Variants in DRC8 observed in about 807,000 individuals in gnomAD.
DRC8 encodes the protein dynein regulatory complex protein 8.
chr1:245,060,162 G>A, the DRC8 span, among the ~76,000 whole-genome samples: 3 of 152,234 alleles, frequency 2.0e-5, no homozygotes, highest in Non-Finnish European at 4.4e-5. Flanking sequence ...AGACAGGTGA[G>A]GAGGTGGAAT....
chr1:245,079,767 A>C, the DRC8 span, among the ~76,000 whole-genome samples: 1 of 152,204 alleles, frequency 6.6e-6, no homozygotes, highest in Non-Finnish European at 1.5e-5. Flanking sequence ...TTTCTGGAGT[A>C]ATCAGAATAG....
chr1:244,970,959 G>A, the DRC8 span: 1 of 168,944 alleles, frequency 5.9e-6, no homozygotes. Flanking sequence ...TCCAGGCTGT[G>A]GGCCCCGGGG....
chr1:245,085,075 G>C, the DRC8 span, among the ~76,000 whole-genome samples: 1 of 152,176 alleles, frequency 6.6e-6, no homozygotes, highest in Non-Finnish European at 1.5e-5. Context: ...ACTGTTGTGT[G>C]CCTACTATAT....
At chr1:244,990,569 A>G in the DRC8 span, among the ~76,000 whole-genome samples, 8,119 of 152,196 alleles carry the variant, frequency 0.053, 308 homozygotes, top group Non-Finnish European at 0.079. Flanking sequence ...TTGTTGCTCA[A>G]ATTGTTTCAG....
the DRC8 span, among the ~76,000 whole-genome samples, chr1:245,095,501 G>T: frequency 6.6e-6 from 1 of 152,130 alleles, no homozygotes; most frequent in African/African-American, 2.4e-5. Context: ...TTGAGTGACT[G>T]GATAGTATCT....
At chr1:245,040,367 T>C in the DRC8 span, among the ~76,000 whole-genome samples, 1 of 152,104 alleles carries the variant, frequency 6.6e-6, no homozygotes, top group Non-Finnish European at 1.5e-5. Context: ...TGCCACTACT[T>C]TTCACCTTGA....
chr1:244,998,390 T>G, the DRC8 span, among the ~76,000 whole-genome samples: 6 of 152,018 alleles, frequency 3.9e-5, no homozygotes, highest in Admixed American at 3.3e-4. Flanking sequence ...AAAATTTTAT[T>G]TTTAGTAGAG....
At chr1:244,972,419 G>A in the DRC8 span, among the ~76,000 whole-genome samples, 1 of 152,228 alleles carries the variant, frequency 6.6e-6, no homozygotes, top group Non-Finnish European at 1.5e-5. Context: ...TGCTAGGTGT[G>A]TATCCTTGTA....
the DRC8 span, among the ~76,000 whole-genome samples, chr1:245,027,118 C>G: frequency 6.6e-6 from 1 of 152,194 alleles, no homozygotes; most frequent in African/African-American, 2.4e-5. Flanking sequence ...TATCTTATCT[C>G]TTTACCATCT....
the DRC8 span, among the ~76,000 whole-genome samples, chr1:245,045,551 C>T: frequency 2.6e-3 from 402 of 152,288 alleles, 1 homozygote; most frequent in African/African-American, 9.2e-3. Context: ...GGCCACTTCA[C>T]GTCCATCTCA....
At chr1:245,080,417 A>G in the DRC8 span, among the ~76,000 whole-genome samples, 1 of 152,172 alleles carries the variant, frequency 6.6e-6, no homozygotes, top group East Asian at 1.9e-4. Context: ...GTGGTGTGAC[A>G]AAGTTCTATT....
chr1:245,017,105 A>G, the DRC8 span: 13 of 839,598 alleles, frequency 1.5e-5, no homozygotes, highest in South Asian at 2.5e-4. Context: ...GAAGTTAAAC[A>G]TGCTAAATGA....
the DRC8 span, among the ~76,000 whole-genome samples, chr1:244,980,040 T>TAAA: frequency 7.5e-4 from 26 of 34,734 alleles, 2 homozygotes; most frequent in African/African-American, 3.2e-3. Context: ...CCGTCTCTAC[T>TAAA]AAAAAAAAAA....
the DRC8 span, among the ~76,000 whole-genome samples, chr1:245,065,724 A>G: frequency 6.6e-6 from 1 of 151,822 alleles, no homozygotes; most frequent in East Asian, 1.9e-4. Context: ...AAACTTCATC[A>G]CTGGGTAATC....
chr1:244,988,529 C>T, the DRC8 span, among the ~76,000 whole-genome samples: 1 of 151,978 alleles, frequency 6.6e-6, no homozygotes, highest in Non-Finnish European at 1.5e-5. Context: ...GCGTATCCAA[C>T]CCATTGCAAA....
chr1:245,035,061 T>C, the DRC8 span, among the ~76,000 whole-genome samples: 2 of 152,126 alleles, frequency 1.3e-5, no homozygotes, highest in African/African-American at 4.8e-5. Context: ...TCTAGTAAAA[T>C]ACAATTTGCC....
chr1:244,990,102 G>C, the DRC8 span, among the ~76,000 whole-genome samples: 1 of 152,186 alleles, frequency 6.6e-6, no homozygotes, highest in East Asian at 1.9e-4. Context: ...TCCCAAGGCA[G>C]GTGCTCTTCC....
the DRC8 span, among the ~76,000 whole-genome samples, chr1:244,999,227 G>GA: frequency 1.4e-3 from 182 of 132,440 alleles, no homozygotes; most frequent in East Asian, 3.9e-3. Context: ...TAAGCCTCCT[G>GA]AAAAAAAAAA....
chr1:245,119,832 C>G, the DRC8 span, among the ~76,000 whole-genome samples: 1 of 151,968 alleles, frequency 6.6e-6, no homozygotes, highest in Non-Finnish European at 1.5e-5. Flanking sequence ...ACTCGGGAGG[C>G]TGAGGCAGGA....
Sources: gnomAD v4.1 joint callset for allele counts (sites outside exome capture counted in the v4.1 genomes callset) on GRCh38, gnomAD v4.1.1 for gene constraint, MANE v1.5 for transcripts, NCBI Gene and HGNC (gene_info 2026-07-23, HGNC 2026-07-21) for gene names.